The following MTFMT variants were observed in gnomAD, a reference collection of about 807,000 sequenced individuals.
The protein encoded by MTFMT is mitochondrial methionyl-tRNA formyltransferase.
Under a neutral mutation model 51.8 loss-of-function variants are expected in MTFMT, and 47 were observed. The ratio of observed to expected loss-of-function variants is 0.91; its 90% CI spans 0.72 to 1.16. The LOEUF (loss-of-function observed/expected upper bound fraction) is 1.16, where lower values mean the gene tolerates loss of function less well. MTFMT is among the 50% of genes most tolerant of loss of function. MTFMT has a pLI of 0.00. For synonymous variants in MTFMT, 196 were observed against 176.7 expected (o/e 1.11, Z -0.87); for missense variants, 512 against 482.3 (o/e 1.06, Z -0.58).
chr15:65,028,036 G>A (rs1405131321), intron 1 of MTFMT, among the ~76,000 whole-genome samples: 1 of 152,214 alleles, frequency 6.6e-6, no homozygotes, highest in Non-Finnish European at 1.5e-5. Flanking sequence ...GGTATTGTAT[G>A]TACACGTTGA....
intron 6 of MTFMT, among the ~76,000 whole-genome samples, chr15:65,010,688 G>A (rs2086256958): frequency 1.3e-5 from 2 of 152,160 alleles, no homozygotes; most frequent in Admixed American, 1.3e-4. Flanking sequence ...TTTTGTGTGA[G>A]CACAATGTTT....
Position 65,026,998 on chromosome 15 carries a change from G to A in MTFMT, c.252C>T (p.Val84=), listed in dbSNP as rs759020815. The A allele has an allele frequency of 2.5e-6, 4 of 1,613,894 alleles. No homozygotes were observed. The highest frequency in any genetic ancestry group is 3.4e-6 in the Non-Finnish European group (4 of 1,179,872). ...EEELIDKLEV[V]TMPSPSPKGL... is the part of the protein sequence containing the mutation. ...CTTTTGGTGATGGGGAAGGCATTGT[G>A]ACCACCTCCAGTTTGTCGATTAACT... is the stretch of plus-strand genomic sequence containing the variant. The change falls in exon 2 of 9, where the codon GTC becomes GTT. Residue 84 remains valine (V), a synonymous_variant. Coordinates refer to ENST00000220058, the MANE Select transcript of MTFMT (RefSeq NM_139242.4).
intron 2 of MTFMT, 50 bp from the exon 3 acceptor site, chr15:65,023,844 G>A (rs749940480): frequency 1.6e-5 from 24 of 1,513,274 alleles, no homozygotes; most frequent in East Asian, 4.7e-5. Context: ...TTACCACTTC[G>A]TTACCACTAC....
At chr15:65,020,667 T>C (rs2086366769) in intron 4 of MTFMT, among the ~76,000 whole-genome samples, 1 of 152,212 alleles carries the variant, frequency 6.6e-6, no homozygotes, top group Admixed American at 6.5e-5. Flanking sequence ...CAGGACAATG[T>C]ACTATGGAGT....
chr15:65,006,160 G>T lies in MTFMT; in HGVS notation c.845C>A (p.Thr282Asn). 6.2e-7 allele frequency: 1 copy of T among 1,612,676 alleles called. No individual in the cohort carries two copies. The highest frequency in any genetic ancestry group is 8.5e-7 in the Non-Finnish European group (1 of 1,179,200). The change falls in exon 7 of 9, where the codon ACC becomes AAC. Residue 282 changes from threonine to asparagine, a missense_variant. Transcript: ENST00000220058. ...TTCTACCAAATCCAGAAGTTTAATG[G>T]TATTCGCCATCCAGAGCGTCTGCAA... ...IPLQTLWMANTIKLLDLVEVN... is the reference protein window; with the variant it reads ...IPLQTLWMANNIKLLDLVEVN...
chr15:65,006,339 C>A, intron 6 of MTFMT, 148 bp from the exon 7 acceptor site: 8 of 541,702 alleles, frequency 1.5e-5, no homozygotes, highest in East Asian at 7.3e-5. Flanking sequence ...AGACCGTAAA[C>A]ATGACTCTCT....
rs561954288 is a variant in MTFMT, at chr15:65,011,199, A to G, written c.814-5008T>C. Among the ~76,000 whole-genome samples, 118 of 152,006 alleles carry G rather than the reference A, an allele frequency of 7.8e-4. 1 individual carries two copies. The highest frequency in any genetic ancestry group is 2.8e-3 in the African/African-American group (117 of 41,482). ...TAGCCGGGCGTGGTGGCGCTTGCCT[A>G]TAATCCCAGCTACTAGGGAGGCTGA... On this transcript the variant is annotated intron_variant, in intron 6 of 8. Transcript: ENST00000220058.
chr15:65,022,950 A>G (rs1042384983), intron 3 of MTFMT, among the ~76,000 whole-genome samples: 3 of 152,062 alleles, frequency 2.0e-5, no homozygotes, highest in Non-Finnish European at 2.9e-5. Flanking sequence ...TCGGCCTCCC[A>G]AAGTTTAGGA....
intron 2 of MTFMT, among the ~76,000 whole-genome samples, chr15:65,024,037 G>C (rs971841492): frequency 6.6e-6 from 1 of 152,184 alleles, no homozygotes; most frequent in Non-Finnish European, 1.5e-5. Flanking sequence ...CTGTTCTAAA[G>C]ATGTTCTGTC....
chr15:65,005,043 G>A lies in MTFMT; in HGVS notation c.893-107C>T, dbSNP rs777969031. 35 of 732,082 alleles carry A rather than the reference G, an allele frequency of 4.8e-5. 2 individuals are homozygous for A. Among genetic ancestry groups the A allele is most frequent in the South Asian group, 2.0e-4 (12 of 61,122 alleles). 45.3% of individuals were successfully genotyped at this position (732,082 alleles called of 1,614,324 possible). ...CATCTTGGGAGGCAGTACTGATACC[G>A]GAGAGAACACATTTGCTGATGTTGA... is the stretch of plus-strand genomic sequence containing the variant. On this transcript the variant is annotated intron_variant, in intron 7 of 8. Coordinates refer to ENST00000220058, the MANE Select transcript of MTFMT (RefSeq NM_139242.4).
chr15:65,016,813 C>T (rs1403093357), intron 5 of MTFMT, among the ~76,000 whole-genome samples: 3 of 148,668 alleles, frequency 2.0e-5, no homozygotes, highest in Non-Finnish European at 4.4e-5. Flanking sequence ...TAGGGTCTTG[C>T]CCTGTCACCC....
chr15:65,021,367 C>T (rs1422274554), intron 4 of MTFMT, 147 bp downstream of exon 4: 3 of 619,140 alleles, frequency 4.8e-6, no homozygotes, highest in East Asian at 2.8e-5. Context: ...ATCACAAATG[C>T]CAGGCTAATT....
chr15:65,014,481 G>A (rs1166952733), intron 6 of MTFMT, among the ~76,000 whole-genome samples: 4 of 151,786 alleles, frequency 2.6e-5, no homozygotes, highest in Non-Finnish European at 4.4e-5. Flanking sequence ...GCGCCACTAG[G>A]TCTGGCTAAT....
At chr15:65,013,813 C>T (rs1451064105) in intron 6 of MTFMT, among the ~76,000 whole-genome samples, 1 of 151,900 alleles carries the variant, frequency 6.6e-6, no homozygotes, top group Non-Finnish European at 1.5e-5. Context: ...GAGCATGGTG[C>T]TGCATGCCTG....
chr15:65,016,029 C>G (rs1595890443), intron 6 of MTFMT: 2 of 153,066 alleles, frequency 1.3e-5, no homozygotes, highest in Middle Eastern at 6.8e-3. Context: ...AATGATTTAA[C>G]AATTTGATTG....
rs796183698 is a variant in MTFMT, at chr15:65,029,593, G to A, written c.21C>T (p.Arg7=). The change falls in exon 1 of 9, where the codon CGC becomes CGT. Residue 7 remains arginine, a synonymous_variant. Coordinates refer to ENST00000220058, the MANE Select transcript of MTFMT (RefSeq NM_139242.4). ...CATGAGCCAGCGGAGGACCCCAACAGCGCCGCACCAACACCCTCATCGCCT... is the reference window on the plus strand; with the variant it reads ...CATGAGCCAGCGGAGGACCCCAACAACGCCGCACCAACACCCTCATCGCCT... MRVLVR[R]CWGPPLAHGA... is the part of the protein sequence containing the mutation. 8.9e-6 allele frequency: 13 copies of A among 1,459,876 alleles called. No individual in the cohort carries two copies. The highest frequency in any genetic ancestry group is 2.2e-4 in the Middle Eastern group (1 of 4,534). 90.4% of individuals were successfully genotyped at this position (1,459,876 alleles called of 1,614,324 possible).
At chr15:65,006,528 A>T (rs948278411) in intron 6 of MTFMT, among the ~76,000 whole-genome samples, 7 of 152,032 alleles carry the variant, frequency 4.6e-5, no homozygotes, top group Non-Finnish European at 1.5e-5. Flanking sequence ...AGGCGCCTGC[A>T]ACCATGCCCG....
rs376751965 is a variant in MTFMT, at chr15:65,023,697, T to C, written c.517A>G (p.Thr173Ala). 1.2e-5 allele frequency: 20 copies of C among 1,613,688 alleles called. No homozygotes were observed. Among genetic ancestry groups the C allele is most frequent in the Non-Finnish European group, 1.7e-5 (20 of 1,179,686 alleles). Reference protein sequence around the residue: ...VLHGDTVTGVTIMQIRPKRFD... With the variant: ...VLHGDTVTGVAIMQIRPKRFD... ...CTTTTAGGTCTAATTTGCATAATTG[T>C]TACTCCAGTAACTGTGTCTCCGTGA... Residue 173 changes from threonine to alanine, a missense_variant, in exon 3 of 9, where the codon ACA becomes GCA. By Grantham distance (58) the Thr-to-Ala change is moderately conservative. Coordinates refer to ENST00000220058, the MANE Select transcript of MTFMT (RefSeq NM_139242.4).
chr15:65,014,952 T>C (rs76781314), intron 6 of MTFMT, among the ~76,000 whole-genome samples: 1 of 149,732 alleles, frequency 6.7e-6, no homozygotes, highest in African/African-American at 2.5e-5. Flanking sequence ...TTTTTTTTTT[T>C]GCTTACTTGT....
Sources: gnomAD v4.1 joint callset for allele counts (sites outside exome capture counted in the v4.1 genomes callset) on GRCh38, gnomAD v4.1.1 for gene constraint, MANE v1.5 for transcripts, NCBI Gene and HGNC (gene_info 2026-07-23, HGNC 2026-07-21) for gene names.